Variants in PDE1A observed in about 807,000 individuals in gnomAD.
PDE1A encodes the protein phosphodiesterase 1A, also known as dual specificity calcium/calmodulin-dependent 3',5'-cyclic nucleotide phosphodiesterase 1A.
A neutral mutation model predicts 61.7 loss-of-function variants in PDE1A; 35 were observed. The ratio of observed to expected loss-of-function variants is 0.57; its 90% CI spans 0.43 to 0.75. The LOEUF (loss-of-function observed/expected upper bound fraction) is 0.75. PDE1A is among the 30% of genes least tolerant of loss of function. The pLI is 0.00. For synonymous variants in PDE1A, 232 were observed against 213.2 expected, an observed-to-expected ratio of 1.09 and a Z score of -0.77; for missense variants, 597 against 630.6, an observed-to-expected ratio of 0.95 and a Z score of 0.57.
intron 6 of PDE1A, among the ~76,000 whole-genome samples, chr2:182,226,968 T>C (rs1384650832): frequency 6.6e-6 from 1 of 151,976 alleles, no homozygotes; most frequent in African/African-American, 2.4e-5. Context: ...AACCACTTTA[T>C]AAGATGGTTA....
intron 1 of PDE1A, among the ~76,000 whole-genome samples, chr2:182,322,852 G>T (rs550057691): frequency 7.2e-5 from 11 of 151,986 alleles, no homozygotes; most frequent in Admixed American, 7.2e-4. Context: ...AAATGATTTC[G>T]CAAAAATAAA....
intron 1 of PDE1A, among the ~76,000 whole-genome samples, chr2:182,397,821 G>A (rs1408611419): frequency 5.3e-5 from 8 of 152,058 alleles, no homozygotes; most frequent in Non-Finnish European, 1.5e-5. Flanking sequence ...ATAGAAAAAT[G>A]ATCACTATCT....
At chr2:182,695,666 C>CAAAAAAAAAAA in the PDE1A span, among the ~76,000 whole-genome samples, 3 of 32,814 alleles carry the variant, frequency 9.1e-5, no homozygotes, top group African/African-American at 2.1e-4. Context: ...GGCCCTCTCT[C>CAAAAAAAAAAA]AAAAAAAAAA....
At chr2:182,566,009 T>C in the PDE1A span, among the ~76,000 whole-genome samples, 2 of 152,130 alleles carry the variant, frequency 1.3e-5, no homozygotes, top group African/African-American at 2.4e-5. Flanking sequence ...ACAAAATTTA[T>C]GGAATTGTGA....
intron 2 of PDE1A, among the ~76,000 whole-genome samples, chr2:182,441,860 G>A (rs998180997): frequency 2.0e-5 from 3 of 151,980 alleles, no homozygotes; most frequent in African/African-American, 7.2e-5. Context: ...AATGTTTTAT[G>A]TCTTATTGCC....
At chr2:182,565,541 T>C in the PDE1A span, among the ~76,000 whole-genome samples, 3 of 152,052 alleles carry the variant, frequency 2.0e-5, no homozygotes, top group Non-Finnish European at 4.4e-5. Flanking sequence ...TGCCCGTTCT[T>C]GACTGGTGAT....
chr2:182,604,188 T>C, the PDE1A span, among the ~76,000 whole-genome samples: 1 of 152,142 alleles, frequency 6.6e-6, no homozygotes, highest in Non-Finnish European at 1.5e-5. Flanking sequence ...ATTTTAATTT[T>C]TCATTTGGAA....
chr2:182,399,659 AT>A lies in PDE1A; in HGVS notation c.53+26918del, dbSNP rs1237156476. On this transcript the variant is annotated intron_variant, in intron 1 of 13. Coordinates refer to ENST00000351439, the Ensembl canonical transcript of PDE1A. The stretch of plus-strand genomic sequence containing the variant: ...TCTAAACTTACAGAGTCTCACTCCT[AT>A]TTTTTTAAGTGAAACCATTCTAGTA... 3.3e-5 allele frequency among the ~76,000 whole-genome samples: 5 copies of A among 152,124 alleles called. No individual in the cohort carries two copies. The East Asian group carries it at 9.6e-4, about 29-fold the overall frequency.
intron 13 of PDE1A, among the ~76,000 whole-genome samples, chr2:182,159,122 G>A (rs544985239): frequency 4.6e-5 from 7 of 152,252 alleles, no homozygotes; most frequent in Non-Finnish European, 8.8e-5. Flanking sequence ...AATCCCTTCA[G>A]GAAAGAATTG....
At chr2:182,271,056 C>G (rs111733171) in intron 1 of PDE1A, among the ~76,000 whole-genome samples, 8 of 151,500 alleles carry the variant, frequency 5.3e-5, no homozygotes, top group African/African-American at 1.5e-4. Flanking sequence ...CAAACAATTT[C>G]TATAATTGAA....
the PDE1A span, among the ~76,000 whole-genome samples, chr2:182,624,968 G>A: frequency 6.6e-6 from 1 of 151,684 alleles, no homozygotes. Context: ...TTCATATGTT[G>A]AAGCTCTAAT....
chr2:182,377,955 T>C (rs1700508670), intron 1 of PDE1A, among the ~76,000 whole-genome samples: 1 of 151,990 alleles, frequency 6.6e-6, no homozygotes, highest in Non-Finnish European at 1.5e-5. Flanking sequence ...CATGCCATTC[T>C]CCTACCTCAG....
intron 2 of PDE1A, among the ~76,000 whole-genome samples, chr2:182,255,701 A>T (rs532675769): frequency 7.2e-6 from 1 of 137,950 alleles, no homozygotes; most frequent in East Asian, 2.1e-4. Context: ...TCTGTCACCC[A>T]GGCTGGAGTG....
chr2:182,193,765 C>A (rs752320377), intron 10 of PDE1A, among the ~76,000 whole-genome samples: 3 of 152,040 alleles, frequency 2.0e-5, no homozygotes, highest in Non-Finnish European at 4.4e-5. Context: ...AATATTAGAA[C>A]CCCTGGTGTA....
intron 1 of PDE1A, among the ~76,000 whole-genome samples, chr2:182,271,871 A>G (rs944300543): frequency 4.1e-5 from 6 of 145,338 alleles, no homozygotes; most frequent in East Asian, 1.9e-4. Context: ...ACAGAGACTG[A>G]AAAGAACTAT....
At chr2:182,283,156 T>A (rs1693925171) in intron 1 of PDE1A, among the ~76,000 whole-genome samples, 1 of 152,062 alleles carries the variant, frequency 6.6e-6, no homozygotes, top group South Asian at 2.1e-4. Flanking sequence ...TCCCAAGGAC[T>A]AGGAAATGTA....
At chr2:182,396,136 G>T (rs745910880) in intron 1 of PDE1A, among the ~76,000 whole-genome samples, 2 of 152,200 alleles carry the variant, frequency 1.3e-5, no homozygotes, top group Non-Finnish European at 2.9e-5. Flanking sequence ...AGACTGCCCC[G>T]ATGGCCTCAT....
At chr2:182,282,740 TATATAA>T (rs1693894856) in intron 1 of PDE1A, among the ~76,000 whole-genome samples, 1 of 152,048 alleles carries the variant, frequency 6.6e-6, no homozygotes, top group African/African-American at 2.4e-5. Context: ...ATTGACCCAA[TATATAA>T]ATATATAGTC....
downstream of PDE1A, among the ~76,000 whole-genome samples, chr2:182,146,580 G>C (rs1184266435): frequency 6.6e-6 from 1 of 152,032 alleles, no homozygotes; most frequent in East Asian, 1.9e-4. Flanking sequence ...TGCTTCCCAG[G>C]TTCAAGCAAC....
Sources: allele counts gnomAD v4.1 joint callset (sites outside exome capture counted in the v4.1 genomes callset), GRCh38; gene constraint gnomAD v4.1.1; transcripts MANE v1.5; gene names NCBI Gene and HGNC (gene_info 2026-07-23, HGNC 2026-07-21).